Variants in XPR1 observed in about 807,000 individuals in gnomAD.
XPR1 encodes solute carrier family 53 member 1.
XPR1 carries 28 observed loss-of-function variants against 87.5 expected under a neutral mutation model. The observed-to-expected ratio is 0.32, with a 90% CI of 0.24 to 0.44. The LOEUF is 0.44. Among genes scored for constraint, XPR1 ranks in the 20% least tolerant of loss-of-function variants. The pLI, the probability that XPR1 is intolerant of heterozygous loss-of-function variation, is 1.00. For synonymous variants in XPR1, 300 were observed against 306.1 expected (o/e 0.98, Z 0.21); for missense variants, 559 against 862.3 (o/e 0.65, Z 4.41).
chr1:180,703,236 C>T (rs1657418316), intron 2 of XPR1, among the ~76,000 whole-genome samples: 1 of 152,018 alleles, frequency 6.6e-6, no homozygotes, highest in Admixed American at 6.6e-5. Context: ...GTGTGGATGC[C>T]AGCAGTAGTG....
intron 1 of XPR1, among the ~76,000 whole-genome samples, chr1:180,652,027 C>T (rs1198120080): frequency 6.6e-6 from 1 of 152,142 alleles, no homozygotes; most frequent in African/African-American, 2.4e-5. Flanking sequence ...CGTGGTGGCT[C>T]ACGCCTGTAA....
intron 1 of XPR1, among the ~76,000 whole-genome samples, chr1:180,673,740 C>G (rs1226038454): frequency 6.6e-6 from 1 of 152,142 alleles, no homozygotes; most frequent in Non-Finnish European, 1.5e-5. Context: ...TTTCATTTCC[C>G]CTGCCACCCT....
intron 1 of XPR1, among the ~76,000 whole-genome samples, chr1:180,674,272 T>A (rs1267067600): frequency 2.0e-5 from 3 of 152,202 alleles, no homozygotes; most frequent in Non-Finnish European, 4.4e-5. Flanking sequence ...TTTGTGTTTG[T>A]TTTTGAGAGG....
intron 11 of XPR1, among the ~76,000 whole-genome samples, chr1:180,847,245 T>C (rs902720716): frequency 2.6e-5 from 4 of 152,192 alleles, no homozygotes; most frequent in African/African-American, 4.8e-5. Context: ...TCTGTTTCCT[T>C]TCTCAACTGA....
At chr1:180,742,153 A>G (rs964234274) in intron 2 of XPR1, among the ~76,000 whole-genome samples, 6 of 151,154 alleles carry the variant, frequency 4.0e-5, no homozygotes, top group East Asian at 1.9e-4. Context: ...TTTGTTTTCA[A>G]TGTTGGTCAT....
chr1:180,645,353 G>C (rs1655085082), intron 1 of XPR1, among the ~76,000 whole-genome samples: 1 of 152,198 alleles, frequency 6.6e-6, no homozygotes, highest in South Asian at 2.1e-4. Flanking sequence ...CAAAATCTCT[G>C]CTAATGTTTG....
chr1:180,641,318 C>A (rs1294491138), intron 1 of XPR1, among the ~76,000 whole-genome samples: 1 of 152,166 alleles, frequency 6.6e-6, no homozygotes, highest in Non-Finnish European at 1.5e-5. Flanking sequence ...CAGAGCTCAA[C>A]AATACTAAAT....
chr1:180,839,984 G>C (rs540944789), intron 11 of XPR1, among the ~76,000 whole-genome samples: 3 of 151,918 alleles, frequency 2.0e-5, no homozygotes, highest in Admixed American at 1.3e-4. Flanking sequence ...AGCACTTTGG[G>C]AGGCCGAGGC....
intron 2 of XPR1, among the ~76,000 whole-genome samples, chr1:180,743,558 T>C (rs1048104233): frequency 1.2e-4 from 19 of 152,158 alleles, no homozygotes; most frequent in Non-Finnish European, 2.2e-4. Context: ...TATATATATA[T>C]ACCCAGATAT....
intron 3 of XPR1, among the ~76,000 whole-genome samples, chr1:180,790,673 G>T (rs1365752198): frequency 6.6e-6 from 1 of 152,088 alleles, no homozygotes; most frequent in Non-Finnish European, 1.5e-5. Context: ...CCGAGTAGCT[G>T]GGACTACAGG....
At chr1:180,665,343 A>G (rs548116064) in intron 1 of XPR1, among the ~76,000 whole-genome samples, 4 of 152,256 alleles carry the variant, frequency 2.6e-5, no homozygotes, top group South Asian at 2.1e-4. Flanking sequence ...GGGAATTTCA[A>G]TTCAAGATGA....
In XPR1 at chr1:180,849,892, G is replaced by A. The variant is rs574880764; in HGVS notation, c.1501+13176G>A. On this transcript the variant is annotated intron_variant, in intron 11 of 14. Coordinates refer to ENST00000367590, the MANE Select transcript of XPR1 (RefSeq NM_004736.4). The stretch of plus-strand genomic sequence containing the variant: ...AGTCTCAATACAGGTACATGCGTGC[G>A]CACACCCACAAAGCACATCAAGAAA... Among the ~76,000 whole-genome samples the A allele has an allele frequency of 3.9e-5, 6 of 152,234 alleles. No individual in the cohort carries two copies. The East Asian group carries it at 9.6e-4, about 24-fold the overall frequency.
intron 2 of XPR1, among the ~76,000 whole-genome samples, chr1:180,720,198 T>G (rs776662052): frequency 2.0e-5 from 3 of 152,174 alleles, no homozygotes; most frequent in Non-Finnish European, 2.9e-5. Flanking sequence ...TTGGGTTATC[T>G]TTCAGTAATT....
intron 7 of XPR1, among the ~76,000 whole-genome samples, chr1:180,819,925 C>T (rs1342692645): frequency 1.3e-5 from 2 of 151,554 alleles, no homozygotes; most frequent in Non-Finnish European, 2.9e-5. Flanking sequence ...GAGGCTGAGG[C>T]AGGAGAATCA....
Position 180,884,143 on chromosome 1 carries a change from C to G in XPR1, c.*77C>G. On this transcript the variant is annotated 3_prime_UTR_variant, in exon 15 of 15. Transcript: ENST00000367590. ...TCCTCGACCAACGCAACCTCTAGTA[C>G]CTTTCCAGCCGAAAACAGGAGAAAA... is the stretch of plus-strand genomic sequence containing the variant. 6.7e-6 allele frequency: 9 copies of G among 1,343,052 alleles called. No homozygotes were observed. The highest frequency in any genetic ancestry group is 2.4e-5 in the East Asian group (1 of 41,814). 83.2% of individuals were successfully genotyped at this position (1,343,052 alleles called of 1,614,324 possible). A position where few individuals can be genotyped will look rare whatever the true frequency, so the allele number is the denominator to read the frequency against.
chr1:180,784,244 CAT>C (rs1488897981), intron 2 of XPR1, among the ~76,000 whole-genome samples: 1 of 152,008 alleles, frequency 6.6e-6, no homozygotes, highest in Non-Finnish European at 1.5e-5. Context: ...ACCATTGCCA[CAT>C]GATACCACTG....
In XPR1 at chr1:180,733,168, T is replaced by C. The variant is rs182866805; in HGVS notation, c.121+50757T>C. Among the ~76,000 whole-genome samples the C allele has an allele frequency of 3.3e-3, 506 of 152,282 alleles. 4 individuals are homozygous for C. The highest frequency in any genetic ancestry group is 3.9e-3 in the Non-Finnish European group (264 of 68,030). On this transcript the variant is annotated intron_variant, in intron 2 of 14. Coordinates refer to ENST00000367590, the MANE Select transcript of XPR1 (RefSeq NM_004736.4). ...CTTAGGGGTTTCTATAGGCACTGGA[T>C]AGGGGCGTGGCAGGCCAAGGTGGTC...
chr1:180,695,688 T>C (rs1259111038), intron 2 of XPR1, among the ~76,000 whole-genome samples: 1 of 152,116 alleles, frequency 6.6e-6, no homozygotes, highest in South Asian at 2.1e-4. Flanking sequence ...TTGAAGAGGT[T>C]GTTCTTTCTC....
intron 2 of XPR1, among the ~76,000 whole-genome samples, chr1:180,711,031 G>T (rs1322926266): frequency 6.6e-6 from 1 of 151,514 alleles, no homozygotes; most frequent in Non-Finnish European, 1.5e-5. Context: ...CTGCCGGGCG[G>T]AGGGGCTCCT....
Sources: allele counts gnomAD v4.1 joint callset (sites outside exome capture counted in the v4.1 genomes callset), GRCh38; gene constraint gnomAD v4.1.1; transcripts MANE v1.5; gene names NCBI Gene and HGNC (gene_info 2026-07-23, HGNC 2026-07-21).